IL1RAPL2: variants seen among roughly 807,000 people sequenced by gnomAD.
The protein encoded by IL1RAPL2 is interleukin 1 receptor accessory protein like 2, also known as X-linked interleukin-1 receptor accessory protein-like 2.
Under a neutral mutation model 44.1 loss-of-function variants are expected in IL1RAPL2, and 3 were observed. The ratio of observed to expected loss-of-function variants is 0.07; its 90% CI spans 0.03 to 0.18. IL1RAPL2 has a LOEUF of 0.18. Among genes scored for constraint, IL1RAPL2 ranks in the 10% least tolerant of loss-of-function variants. IL1RAPL2 has a pLI of 1.00. For synonymous variants in IL1RAPL2, 181 were observed against 178.8 expected (o/e 1.01, Z -0.10); for missense variants, 391 against 496.4 (o/e 0.79, Z 2.02).
intron 2 of IL1RAPL2, among the ~76,000 whole-genome samples, chrX:104,990,411 G>A (rs1456508664): frequency 1.2e-5 from 1 of 85,843 alleles, no homozygotes; most frequent in Non-Finnish European, 2.5e-5. Context: ...TGGGGTTGGA[G>A]GTGTATGTTT....
intron 2 of IL1RAPL2, among the ~76,000 whole-genome samples, chrX:104,690,335 C>T (rs1166528909): frequency 8.9e-6 from 1 of 112,330 alleles, no homozygotes; most frequent in Non-Finnish European, 1.9e-5. Context: ...TCGCCAAGGG[C>T]CTTGCTGAAG....
chrX:104,662,978 T>C (rs1930429768), intron 2 of IL1RAPL2, among the ~76,000 whole-genome samples: 1 of 111,962 alleles, frequency 8.9e-6, no homozygotes, highest in Non-Finnish European at 1.9e-5. Context: ...CAGAGCTACC[T>C]GCATATCTCA....
At chrX:104,613,833 G>A (rs187926048) in intron 1 of IL1RAPL2, among the ~76,000 whole-genome samples, 1,081 of 92,445 alleles carry the variant, frequency 0.012, 23 homozygotes, top group African/African-American at 0.043. Flanking sequence ...TTTTTGGTTG[G>A]TAGGTTTTTA....
chrX:105,542,194 A>G (rs1218291065), intron 6 of IL1RAPL2, among the ~76,000 whole-genome samples: 3 of 112,133 alleles, frequency 2.7e-5, no homozygotes, highest in Admixed American at 9.5e-5. Context: ...GAATTTCCGT[A>G]ATATTGTATC....
intron 5 of IL1RAPL2, among the ~76,000 whole-genome samples, chrX:105,436,204 A>G (rs1471099298): frequency 2.7e-5 from 3 of 110,556 alleles, no homozygotes; most frequent in East Asian, 5.8e-4. Context: ...CAGCAAAACT[A>G]TATGGAGAGA....
At position 104,945,594 on chromosome X, in the gene IL1RAPL2, A is replaced by G. The variant is rs759390735; in HGVS notation, c.83-249881A>G. On this transcript the variant is annotated intron_variant, in intron 2 of 10. Coordinates refer to ENST00000372582, the MANE Select transcript of IL1RAPL2 (RefSeq NM_017416.2). ...CTTTGGAAATAAGAATCATAGGGCAATGCGTGTCTTTACAAATGGGTACCA... is the reference window on the plus strand; with the variant it reads ...CTTTGGAAATAAGAATCATAGGGCAGTGCGTGTCTTTACAAATGGGTACCA... Among the ~76,000 whole-genome samples the G allele has an allele frequency of 2.7e-5, 3 of 112,095 alleles. No homozygotes were observed. The South Asian group carries it at 1.1e-3, about 42-fold the overall frequency.
At chrX:104,727,954 G>C (rs900415384) in intron 2 of IL1RAPL2, among the ~76,000 whole-genome samples, 1 of 110,633 alleles carries the variant, frequency 9.0e-6, no homozygotes. Context: ...TGGAGACTTA[G>C]AAGGGTGGGA....
intron 2 of IL1RAPL2, among the ~76,000 whole-genome samples, chrX:104,892,786 A>G (rs1923503111): frequency 9.0e-6 from 1 of 110,949 alleles, no homozygotes; most frequent in Admixed American, 9.6e-5. Flanking sequence ...TTGTATCTCT[A>G]TCTCCTTCAG....
At chrX:104,744,089 C>A (rs1932135969) in intron 2 of IL1RAPL2, among the ~76,000 whole-genome samples, 1 of 110,566 alleles carries the variant, frequency 9.0e-6, no homozygotes, top group South Asian at 3.9e-4. Flanking sequence ...TTGCTGTACA[C>A]AAAGGGATGG....
intron 5 of IL1RAPL2, among the ~76,000 whole-genome samples, chrX:105,457,462 T>A (rs1371528640): frequency 1.8e-5 from 2 of 110,102 alleles, no homozygotes; most frequent in Admixed American, 2.0e-4. Context: ...TCTGTGTACA[T>A]TTGCCTATTC....
intron 5 of IL1RAPL2, among the ~76,000 whole-genome samples, chrX:105,468,900 CAGT>C (rs1163992935): frequency 9.0e-6 from 1 of 111,707 alleles, no homozygotes; most frequent in Non-Finnish European, 1.9e-5. Context: ...AAAAATATCT[CAGT>C]AGTTTGGAAT....
At chrX:105,442,222 G>A (rs903596402) in intron 5 of IL1RAPL2, among the ~76,000 whole-genome samples, 3 of 108,412 alleles carry the variant, frequency 2.8e-5, no homozygotes, top group Non-Finnish European at 5.7e-5. Flanking sequence ...AGCTAATTTC[G>A]TTTTTGTATT....
intron 5 of IL1RAPL2, among the ~76,000 whole-genome samples, chrX:105,344,618 G>T (rs1284890433): frequency 1.8e-5 from 2 of 111,903 alleles, no homozygotes; most frequent in Admixed American, 1.9e-4. Context: ...ATTCAATCCA[G>T]TATAGTTCAT....
chrX:105,765,816 C>G (rs1403423536), intron 10 of IL1RAPL2, among the ~76,000 whole-genome samples: 1 of 112,642 alleles, frequency 8.9e-6, no homozygotes, highest in Admixed American at 9.4e-5. Flanking sequence ...GGTGGCCCCA[C>G]AATATGTGCT....
intron 4 of IL1RAPL2, among the ~76,000 whole-genome samples, chrX:105,263,136 C>T (rs1218998583): frequency 4.5e-5 from 5 of 110,551 alleles, no homozygotes; most frequent in Admixed American, 9.7e-5. Flanking sequence ...CCACCCGCCT[C>T]GGCCTCCCAA....
chrX:105,037,068 T>C (rs369710401), intron 2 of IL1RAPL2, among the ~76,000 whole-genome samples: 4 of 111,881 alleles, frequency 3.6e-5, no homozygotes, highest in African/African-American at 9.7e-5. Flanking sequence ...TTTGCAGACA[T>C]AAATTTTTTG....
chrX:105,388,150 A>G (rs1305873015), intron 5 of IL1RAPL2, among the ~76,000 whole-genome samples: 1 of 57,317 alleles, frequency 1.7e-5, no homozygotes, highest in South Asian at 7.7e-4. Context: ...CTCCATCTCA[A>G]AAAAAAAAAA....
intron 2 of IL1RAPL2, among the ~76,000 whole-genome samples, chrX:104,831,124 A>G (rs1015757774): frequency 1.8e-5 from 2 of 111,849 alleles, no homozygotes; most frequent in African/African-American, 6.5e-5. Flanking sequence ...GATAATTATT[A>G]AACAATAACT....
In IL1RAPL2 at chrX:105,069,181, A is replaced by G. The variant is rs1167213668; in HGVS notation, c.83-126294A>G. Among the ~76,000 whole-genome samples the G allele has an allele frequency of 2.7e-5, 3 of 112,979 alleles. No homozygotes were observed. In the Admixed American group the frequency reaches 2.8e-4, roughly 11 times the overall value. On this transcript the variant is annotated intron_variant, in intron 2 of 10. Transcript: ENST00000372582. ...CTGGAAACAGAGTGGGCAGCACATC[A>G]CACAGAGTGGGCAACCACAGAGTGG...
Sources: gnomAD v4.1 joint callset for allele counts (sites outside exome capture counted in the v4.1 genomes callset) on GRCh38, gnomAD v4.1.1 for gene constraint, MANE v1.5 for transcripts, NCBI Gene and HGNC (gene_info 2026-07-23, HGNC 2026-07-21) for gene names.